Variants in HMX3 observed in about 807,000 individuals in gnomAD.
The protein encoded by HMX3 is homeobox protein HMX3.
In HMX3, 8 loss-of-function variants were observed where a neutral mutation model predicts 22.8. The observed-to-expected ratio is 0.35, with a 90% confidence interval of 0.21 to 0.63. HMX3 has a LOEUF of 0.63. Ranked by LOEUF, HMX3 falls within the 30% of genes least tolerant of loss-of-function variation. The pLI, the probability that HMX3 is intolerant of heterozygous loss-of-function variation, is 0.72. For missense variants in HMX3, 527 were observed against 520.6 expected (o/e 1.01, Z -0.12); for synonymous variants, 331 against 250.9 (o/e 1.32, Z -3.02).
In HMX3 at chr10:123,136,539, C is replaced by A; in HGVS notation, c.400+89C>A. ...TGCTTCCCTCCGCAGTTCTGGGACC[C>A]CAGCACCCGCAAACCCTCTGCTCGG... On this transcript the variant is annotated intron_variant, in intron 1 of 1. Coordinates refer to ENST00000357878, the MANE Select transcript of HMX3 (RefSeq NM_001105574.2). This position sits in a 1 kb window ranked among gnomAD's most constrained non-coding sequence, Gnocchi z 4.8. 1 of 1,073,476 alleles carries A rather than the reference C, an allele frequency of 9.3e-7. No individual in the cohort carries two copies. The allele number at this position is 1,073,476 out of a possible 1,614,324, so 66.5% of individuals were successfully genotyped here.
rs1201979018 is a variant in HMX3, at chr10:123,138,667, C to T, written c.*936C>T. ...GGTCTGTTGCAATTAGCCTCTTCAT[C>T]GGTCTTACTTTGTGATGGAAGAATT... On this transcript the variant is annotated 3_prime_UTR_variant, in exon 2 of 2. Transcript: ENST00000357878. Among the ~76,000 whole-genome samples the T allele has an allele frequency of 2.0e-5, 3 of 152,160 alleles. No individual in the cohort carries two copies. The highest frequency in any genetic ancestry group is 2.0e-4 in the Admixed American group (3 of 15,270).
rs762945381 is a variant in HMX3 at position 123,137,071 on chromosome 10, C to G, written c.414C>G (p.Ala138=). The G allele has an allele frequency of 1.9e-6, 3 of 1,609,466 alleles. No individual in the cohort carries two copies. Among genetic ancestry groups the G allele is most frequent in the Non-Finnish European group, 2.5e-6 (3 of 1,178,570 alleles). The change falls in exon 2 of 2, where the codon GCC becomes GCG. Residue 138 remains alanine (A), a synonymous_variant. Coordinates refer to ENST00000357878, the MANE Select transcript of HMX3 (RefSeq NM_001105574.2). The surrounding 1 kb of genome is among the most constrained non-coding windows in gnomAD (Gnocchi z 5.8). ...HLPRPEASEK[A]LLRDSSPASG... The stretch of plus-strand genomic sequence containing the variant: ...CTGTCTCCCCAGCCTCGGAGAAGGC[C>G]TTGCTGAGAGACTCCTCCCCCGCCT...
chr10:123,136,242 C>T lies in HMX3; in HGVS notation c.192C>T (p.Ala64=), dbSNP rs558356019. 18 of 1,341,044 alleles carry T rather than the reference C, an allele frequency of 1.3e-5. No homozygotes were observed. The African/African-American group carries it at 1.4e-4, about 10-fold the overall frequency. The allele number at this position is 1,341,044 out of a possible 1,614,324, so 83.1% of individuals were successfully genotyped here. Reference sequence around the variant, plus strand: ...TCGCGCCAGCCTCGGCTGCCGCCGCCGCCGCCGCTGCCGCTGCCGCGGCGG... The same window carrying T: ...TCGCGCCAGCCTCGGCTGCCGCCGCTGCCGCCGCTGCCGCTGCCGCGGCGG... The part of the protein sequence containing the change: ...TLFAPASAAA[A]AAAAAAAAAK... Residue 64 remains alanine, a synonymous_variant, in exon 1 of 2, where the codon GCC becomes GCT. Coordinates refer to ENST00000357878, the MANE Select transcript of HMX3 (RefSeq NM_001105574.2). The surrounding 1 kb of genome is among the most constrained non-coding windows in gnomAD (Gnocchi z 4.8).
rs1844087025 is a variant in HMX3 at position 123,137,243 on chromosome 10, G to T, written c.586G>T (p.Ala196Ser). The change falls in exon 2 of 2, where the codon GCC (alanine) becomes TCC (serine). Residue 196 changes from alanine (A) to serine (S), a missense_variant. By Grantham distance (99) the Ala-to-Ser change is moderately conservative. Around this residue, in one of 3 missense-constraint regions of HMX3, gnomAD observed 386 missense variants for 337.8 expected, o/e 1.14. Coordinates refer to ENST00000357878, the MANE Select transcript of HMX3 (RefSeq NM_001105574.2). This position sits in a 1 kb window ranked among gnomAD's most constrained non-coding sequence, Gnocchi z 5.8. ...KKEGEAAPGA[A>S]GASVGAAAAT... ...GGAAGGCGAAGCGGCGCCAGGCGCGGCCGGGGCGAGCGTAGGGGCGGCGGC... is the reference window on the plus strand; with the variant it reads ...GGAAGGCGAAGCGGCGCCAGGCGCGTCCGGGGCGAGCGTAGGGGCGGCGGC... 3 of 1,592,218 alleles carry T rather than the reference G, an allele frequency of 1.9e-6. No homozygotes were observed. The highest frequency in any genetic ancestry group is 2.6e-6 in the Non-Finnish European group (3 of 1,169,574).
Position 123,136,371 on chromosome 10 carries a change from G to A in HMX3, c.321G>A (p.Ala107=). 6.4e-7 allele frequency: 1 copy of A among 1,565,642 alleles called. No homozygotes were observed. ...EIPAQRFALP[A]HYLERSPAWW... ...CGGCGCAGAGGTTTGCCCTGCCCGC[G>A]CACTACCTGGAGCGCTCCCCAGCCT... The change falls in exon 1 of 2, where the codon GCG becomes GCA. Residue 107 remains alanine, a synonymous_variant. Transcript: ENST00000357878. This position sits in a 1 kb window ranked among gnomAD's most constrained non-coding sequence, Gnocchi z 4.8.
chr10:123,136,079 G>T lies in HMX3; in HGVS notation c.29G>T (p.Gly10Val). 7.1e-7 allele frequency: 1 copy of T among 1,399,840 alleles called. No homozygotes were observed. The highest frequency in any genetic ancestry group is 9.3e-7 in the Non-Finnish European group (1 of 1,075,408). 86.7% of individuals were successfully genotyped at this position (1,399,840 alleles called of 1,614,324 possible). The stretch of plus-strand genomic sequence containing the variant: ...CCGGAACCCGGGCCGGACGCTGCCG[G>T]CACCGCCAGCGCACAGCCCCAACCG... MPEPGPDAA[G>V]TASAQPQPPP... The change falls in exon 1 of 2, where the codon GGC becomes GTC. Residue 10 changes from glycine (G) to valine (V), a missense_variant. This residue lies in a region of HMX3 where 386 missense variants were observed against 337.8 expected (regional missense o/e 1.14). Coordinates refer to ENST00000357878, the MANE Select transcript of HMX3 (RefSeq NM_001105574.2). The surrounding 1 kb of genome is among the most constrained non-coding windows in gnomAD (Gnocchi z 4.8).
At position 123,137,204 on chromosome 10, in the gene HMX3, G is replaced by A. The variant is rs748087707; in HGVS notation, c.547G>A (p.Glu183Lys). The A allele has an allele frequency of 9.4e-6, 15 of 1,599,978 alleles. No homozygotes were observed. In the East Asian group the frequency reaches 3.2e-4, roughly 34 times the overall value. The change falls in exon 2 of 2, where the codon GAG becomes AAG. Residue 183 changes from glutamate (E) to lysine (K), a missense_variant. Physicochemically the swap from Glu to Lys is moderately conservative, Grantham distance 56 (BLOSUM62 1). Transcript: ENST00000357878. This position sits in a 1 kb window ranked among gnomAD's most constrained non-coding sequence, Gnocchi z 5.8. ...GATCATTCTGGAGGAGAGCGACTCC[G>A]AGGAAAGCAAAAAGGAAGGCGAAGC... ...DEIILEESDS[E>K]ESKKEGEAAP... is the part of the protein sequence containing the mutation.
rs755963822 is a variant in HMX3, at chr10:123,137,611, C to G, written c.954C>G (p.Gly318=). 1 of 1,567,674 alleles carries G rather than the reference C, an allele frequency of 6.4e-7. No homozygotes were observed. The highest frequency in any genetic ancestry group is 1.4e-5 in the African/African-American group (1 of 73,188). The part of the protein sequence containing the change: ...ILYHENSAAE[G]AAAAAAGAPV... ...ACCACGAGAACTCGGCGGCCGAGGG[C>G]GCGGCGGCTGCAGCCGCGGGGGCCC... is the stretch of plus-strand genomic sequence containing the variant. Residue 318 remains glycine, a synonymous_variant, in exon 2 of 2, where the codon GGC becomes GGG. Coordinates refer to ENST00000357878, the MANE Select transcript of HMX3 (RefSeq NM_001105574.2). The surrounding 1 kb of genome is among the most constrained non-coding windows in gnomAD (Gnocchi z 5.8).
At position 123,137,046 on chromosome 10, in the gene HMX3, C is replaced by A; in HGVS notation, c.401-12C>A. On this transcript the variant is annotated splice_polypyrimidine_tract_variant and intron_variant, in intron 1 of 1. Transcript: ENST00000357878. The surrounding 1 kb of genome is among the most constrained non-coding windows in gnomAD (Gnocchi z 5.8). ...TGTGCATGTGTGTGCGTCCGTCTGT[C>A]TGTCTCCCCAGCCTCGGAGAAGGCC... 1 of 1,594,598 alleles carries A rather than the reference C, an allele frequency of 6.3e-7. No homozygotes were observed. The highest frequency in any genetic ancestry group is 1.8e-5 in the Admixed American group (1 of 57,060).
At position 123,138,245 on chromosome 10, in the gene HMX3, G is replaced by T. The variant is rs1391949138; in HGVS notation, c.*514G>T. 6.7e-6 allele frequency among the ~76,000 whole-genome samples: 1 copy of T among 150,010 alleles called. No homozygotes were observed. The highest frequency in any genetic ancestry group is 1.5e-5 in the Non-Finnish European group (1 of 67,606). ...GCTCACTTCGACCTCCGCCTCCCGG[G>T]TTCAAGTGATTCTCCTGTCTCAGCC... On this transcript the variant is annotated 3_prime_UTR_variant, in exon 2 of 2. Coordinates refer to ENST00000357878, the MANE Select transcript of HMX3 (RefSeq NM_001105574.2).
Position 123,137,314 on chromosome 10 carries a change from A to T in HMX3, c.657A>T (p.Pro219=), listed in dbSNP as rs767761887. The change falls in exon 2 of 2, where the codon CCA becomes CCT. Residue 219 remains proline, a synonymous_variant. Coordinates refer to ENST00000357878, the MANE Select transcript of HMX3 (RefSeq NM_001105574.2). This position sits in a 1 kb window ranked among gnomAD's most constrained non-coding sequence, Gnocchi z 5.8. ...AEDWKKGAES[P]EKKPACRKKK... ...ACTGGAAGAAGGGCGCTGAAAGTCC[A>T]GAGAAGAAGCCGGCGTGCCGCAAGA... 2 of 1,608,570 alleles carry T rather than the reference A, an allele frequency of 1.2e-6. No homozygotes were observed. Among genetic ancestry groups the T allele is most frequent in the African/African-American group, 1.3e-5 (1 of 74,824 alleles).
In HMX3 at chr10:123,136,337, T is replaced by C. The variant is rs758098838; in HGVS notation, c.287T>C (p.Phe96Ser). 3.2e-6 allele frequency: 5 copies of C among 1,570,846 alleles called. No individual in the cohort carries two copies. The South Asian group carries it at 3.5e-5, about 11-fold the overall frequency. Residue 96 changes from phenylalanine (F) to serine (S), a missense_variant, in exon 1 of 2, where the codon TTT becomes TCT. By Grantham distance (155) the Phe-to-Ser change is radical. Coordinates refer to ENST00000357878, the MANE Select transcript of HMX3 (RefSeq NM_001105574.2). This position sits in a 1 kb window ranked among gnomAD's most constrained non-coding sequence, Gnocchi z 4.8. The part of the protein sequence containing the change: ...SQVGDLAFPR[F>S]EIPAQRFALP... Reference sequence around the variant, plus strand: ...GTGGGCGACCTGGCTTTCCCTCGCTTTGAGATCCCGGCGCAGAGGTTTGCC... The same window carrying C: ...GTGGGCGACCTGGCTTTCCCTCGCTCTGAGATCCCGGCGCAGAGGTTTGCC...
chr10:123,138,626 T>G lies in HMX3; in HGVS notation c.*895T>G, dbSNP rs1431774469. Reference sequence around the variant, plus strand: ...TCATAAGAATCCCGACTCAGGCCGCTTTTCTCTTCTGGAGAGGTCTGTTGC... The same window carrying G: ...TCATAAGAATCCCGACTCAGGCCGCGTTTCTCTTCTGGAGAGGTCTGTTGC... On this transcript the variant is annotated 3_prime_UTR_variant, in exon 2 of 2. Coordinates refer to ENST00000357878, the MANE Select transcript of HMX3 (RefSeq NM_001105574.2). Among the ~76,000 whole-genome samples the G allele has an allele frequency of 6.6e-6, 1 of 152,190 alleles. No individual in the cohort carries two copies. The highest frequency in any genetic ancestry group is 1.5e-5 in the Non-Finnish European group (1 of 68,028).
Position 123,136,545 on chromosome 10 carries a change from C to A in HMX3, c.400+95C>A. 9.9e-7 allele frequency: 1 copy of A among 1,012,262 alleles called. No individual in the cohort carries two copies. Among genetic ancestry groups the A allele is most frequent in the Non-Finnish European group, 1.3e-6 (1 of 764,312 alleles). 62.7% of individuals were successfully genotyped at this position (1,012,262 alleles called of 1,614,324 possible). On this transcript the variant is annotated intron_variant, in intron 1 of 1. Coordinates refer to ENST00000357878, the MANE Select transcript of HMX3 (RefSeq NM_001105574.2). The surrounding 1 kb of genome is among the most constrained non-coding windows in gnomAD (Gnocchi z 4.8). ...CCTCCGCAGTTCTGGGACCCCAGCA[C>A]CCGCAAACCCTCTGCTCGGTCAGTT...
In HMX3 at chr10:123,136,045, G is replaced by A. The variant is rs1589677911; in HGVS notation, c.-6G>A. 1 of 1,375,202 alleles carries A rather than the reference G, an allele frequency of 7.3e-7. No individual in the cohort carries two copies. The highest frequency in any genetic ancestry group is 9.4e-7 in the Non-Finnish European group (1 of 1,063,180). 85.2% of individuals were successfully genotyped at this position (1,375,202 alleles called of 1,614,324 possible). ...TCCCTCCCGGGGACCCGGAGGAGAG[G>A]GGACCATGCCGGAACCCGGGCCGGA... On this transcript the variant is annotated 5_prime_UTR_variant, in exon 1 of 2. Coordinates refer to ENST00000357878, the MANE Select transcript of HMX3 (RefSeq NM_001105574.2). The surrounding 1 kb of genome is among the most constrained non-coding windows in gnomAD (Gnocchi z 4.8).
At position 123,137,177 on chromosome 10, in the gene HMX3, G is replaced by C. The variant is rs549910187; in HGVS notation, c.520G>C (p.Glu174Gln). Reference sequence around the variant, plus strand: ...GGAGCTGGACTCCAAGAGCCCGGACGAGATCATTCTGGAGGAGAGCGACTC... The same window carrying C: ...GGAGCTGGACTCCAAGAGCCCGGACCAGATCATTCTGGAGGAGAGCGACTC... ...HKELDSKSPD[E>Q]IILEESDSEE... The change falls in exon 2 of 2, where the codon GAG becomes CAG. Residue 174 changes from glutamate to glutamine, a missense_variant. Coordinates refer to ENST00000357878, the MANE Select transcript of HMX3 (RefSeq NM_001105574.2). This position sits in a 1 kb window ranked among gnomAD's most constrained non-coding sequence, Gnocchi z 5.8. 1.2e-6 allele frequency: 2 copies of C among 1,603,720 alleles called. No individual in the cohort carries two copies. The highest frequency in any genetic ancestry group is 2.2e-5 in the South Asian group (2 of 89,558).
At position 123,137,718 on chromosome 10, in the gene HMX3, T is replaced by A. The variant is rs1844094273; in HGVS notation, c.1061T>A (p.Leu354Gln). ...CCGGTGGTCTCTTCCGTGCCGCTGC[T>A]ACGGCCGGTCTGAGGCCCCAGAGGG... ...SHPVVSSVPLLRPV is the reference protein window; with the variant it reads ...SHPVVSSVPLQRPV The change falls in exon 2 of 2, where the codon CTA becomes CAA. Residue 354 changes from leucine (L) to glutamine (Q), a missense_variant. This residue lies in a region of HMX3 where 100 missense variants were observed against 102.3 expected (regional missense o/e 0.98). Coordinates refer to ENST00000357878, the MANE Select transcript of HMX3 (RefSeq NM_001105574.2). The surrounding 1 kb of genome is among the most constrained non-coding windows in gnomAD (Gnocchi z 5.8). The A allele has an allele frequency of 6.9e-7, 1 of 1,441,458 alleles. No individual in the cohort carries two copies. Among genetic ancestry groups the A allele is most frequent in the Middle Eastern group, 2.0e-4 (1 of 5,060 alleles). The allele number at this position is 1,441,458 out of a possible 1,614,324, so 89.3% of individuals were successfully genotyped here. A position where few individuals can be genotyped will look rare whatever the true frequency, so the allele number is the denominator to read the frequency against.
At position 123,137,259 on chromosome 10, in the gene HMX3, G is replaced by GGGC; in HGVS notation, c.612_614dup (p.Ala205dup). 1.3e-6 allele frequency: 2 copies of GGGC among 1,591,122 alleles called. No individual in the cohort carries two copies. The highest frequency in any genetic ancestry group is 1.7e-6 in the Non-Finnish European group (2 of 1,169,062). ...CCAGGCGCGGCCGGGGCGAGCGTAG[G>GGGC]GGCGGCGGCGGCCACTCCGGGCGCA... On this transcript the variant is annotated inframe_insertion, in exon 2 of 2. Coordinates refer to ENST00000357878, the MANE Select transcript of HMX3 (RefSeq NM_001105574.2). This position sits in a 1 kb window ranked among gnomAD's most constrained non-coding sequence, Gnocchi z 5.8.
At position 123,136,848 on chromosome 10, in the gene HMX3, G is replaced by T. The variant is rs1844082028; in HGVS notation, c.401-210G>T. 6.6e-6 allele frequency among the ~76,000 whole-genome samples: 1 copy of T among 152,158 alleles called. No homozygotes were observed. The highest frequency in any genetic ancestry group is 1.5e-5 in the Non-Finnish European group (1 of 68,016). On this transcript the variant is annotated intron_variant, in intron 1 of 1. Transcript: ENST00000357878. This position sits in a 1 kb window ranked among gnomAD's most constrained non-coding sequence, Gnocchi z 4.8. Reference sequence around the variant, plus strand: ...GGAGGTGGCCGCGCTACCACCATCTGCTTGCCTGTCCTCGGGAGGAGGGGG... The same window carrying T: ...GGAGGTGGCCGCGCTACCACCATCTTCTTGCCTGTCCTCGGGAGGAGGGGG...
Sources: gnomAD v4.1 joint callset for allele counts (sites outside exome capture counted in the v4.1 genomes callset) on GRCh38, gnomAD v4.1.1 for gene constraint, gnomAD v4.1.1 regional missense constraint, Gnocchi (gnomAD v3.1) non-coding constraint, MANE v1.5 for transcripts, NCBI Gene and HGNC (gene_info 2026-07-23, HGNC 2026-07-21) for gene names.